Variants in THSD4 observed in about 807,000 individuals in gnomAD.
THSD4 encodes thrombospondin type-1 domain-containing protein 4.
In THSD4, 69 loss-of-function variants were observed where a neutral mutation model predicts 119.0. That is an observed-to-expected ratio of 0.58 (90% CI 0.48 to 0.71). The LOEUF is 0.71. THSD4 is among the 30% of genes least tolerant of loss of function. The pLI, the probability that THSD4 is intolerant of heterozygous loss-of-function variation, is 0.00. For synonymous variants in THSD4, 524 were observed against 540.4 expected, an observed-to-expected ratio of 0.97 and a Z score of 0.42; for missense variants, 1,393 against 1,391.1, an observed-to-expected ratio of 1.00 and a Z score of -0.02.
intron 3 of THSD4, among the ~76,000 whole-genome samples, chr15:71,188,529 G>T (rs2043636223): frequency 6.6e-6 from 1 of 152,082 alleles, no homozygotes; most frequent in Non-Finnish European, 1.5e-5. Context: ...ACTGGTCCTG[G>T]CGTAGGACTG....
intron 7 of THSD4, among the ~76,000 whole-genome samples, chr15:71,442,580 AT>A (rs779272122): frequency 0.011 from 135 of 12,430 alleles, 15 homozygotes; most frequent in South Asian, 0.026. Context: ...AAAAAAAAAA[AT>A]ATATATATAT....
At chr15:71,455,462 T>C (rs923128549) in intron 7 of THSD4, among the ~76,000 whole-genome samples, 2 of 152,152 alleles carry the variant, frequency 1.3e-5, no homozygotes, top group African/African-American at 4.8e-5. Flanking sequence ...CCCTTGGCCT[T>C]GCTGCTTCAT....
chr15:71,459,340 C>CTT (rs2047388025), intron 7 of THSD4, among the ~76,000 whole-genome samples: 1 of 144,860 alleles, frequency 6.9e-6, no homozygotes, highest in East Asian at 2.1e-4. Flanking sequence ...CTCTCTCTGT[C>CTT]TCTCTGTCTC....
At chr15:71,669,052 T>C (rs970958218) in intron 8 of THSD4, among the ~76,000 whole-genome samples, 4 of 152,212 alleles carry the variant, frequency 2.6e-5, no homozygotes, top group African/African-American at 9.6e-5. Flanking sequence ...TCAAATGGAA[T>C]GCACACTTAA....
At chr15:71,406,203 C>G (rs1434649829) in intron 6 of THSD4, among the ~76,000 whole-genome samples, 1 of 151,330 alleles carries the variant, frequency 6.6e-6, no homozygotes, top group African/African-American at 2.4e-5. Flanking sequence ...TAATTTCATT[C>G]AATTGTGGTC....
chr15:71,195,657 C>A (rs75419200), intron 3 of THSD4, among the ~76,000 whole-genome samples: 108 of 152,232 alleles, frequency 7.1e-4, no homozygotes, highest in African/African-American at 2.5e-3. Context: ...ACTGAGGATC[C>A]ACTGAAGCCC....
At chr15:71,284,244 A>G (rs1209092120) in intron 6 of THSD4, among the ~76,000 whole-genome samples, 1 of 152,188 alleles carries the variant, frequency 6.6e-6, no homozygotes, top group African/African-American at 2.4e-5. Context: ...CTTGCTATTG[A>G]GGAAAAAAGA....
At chr15:71,151,379 C>CT (rs57878253) in intron 2 of THSD4, among the ~76,000 whole-genome samples, 5,347 of 144,998 alleles carry the variant, frequency 0.037, 256 homozygotes, top group African/African-American at 0.12. Flanking sequence ...GGAGCTGCAG[C>CT]TTTTTTTTTT....
chr15:71,177,747 A>G (rs1340561255), intron 3 of THSD4, among the ~76,000 whole-genome samples: 2 of 121,050 alleles, frequency 1.7e-5, no homozygotes, highest in Non-Finnish European at 3.5e-5. Flanking sequence ...TCAATAAAAT[A>G]CTGGCAAACC....
intron 15 of THSD4, among the ~76,000 whole-genome samples, chr15:71,763,379 TA>T (rs1439438723): frequency 9.2e-6 from 1 of 108,548 alleles, no homozygotes; most frequent in Non-Finnish European, 1.6e-5. Context: ...AAGTCTATAA[TA>T]AAGTACATAG....
chr15:71,329,681 T>G (rs1469269774), intron 6 of THSD4, among the ~76,000 whole-genome samples: 1 of 152,142 alleles, frequency 6.6e-6, no homozygotes, highest in Non-Finnish European at 1.5e-5. Context: ...AAGCCTCGAA[T>G]TACTCATCGT....
chr15:71,301,911 G>A (rs549995377), intron 6 of THSD4, among the ~76,000 whole-genome samples: 4 of 152,258 alleles, frequency 2.6e-5, no homozygotes, highest in African/African-American at 7.2e-5. Context: ...CCTTTTGAGC[G>A]AGCCCTTTAG....
At chr15:71,495,738 A>C (rs2048005172) in intron 7 of THSD4, among the ~76,000 whole-genome samples, 1 of 152,222 alleles carries the variant, frequency 6.6e-6, no homozygotes, top group Admixed American at 6.5e-5. Context: ...GAAAGTCTAA[A>C]AACGCTTAAT....
chr15:71,661,006 G>A (rs1216628375), intron 8 of THSD4, among the ~76,000 whole-genome samples: 1 of 152,206 alleles, frequency 6.6e-6, no homozygotes, highest in African/African-American at 2.4e-5. Flanking sequence ...GTTATAAAGT[G>A]GATAACAGCC....
intron 7 of THSD4, among the ~76,000 whole-genome samples, chr15:71,532,771 A>G (rs1191555875): frequency 6.6e-6 from 1 of 152,222 alleles, no homozygotes; most frequent in Non-Finnish European, 1.5e-5. Context: ...GAAAGTAATA[A>G]TCATCTCTGT....
At chr15:71,196,111 C>G (rs1286574163) in intron 3 of THSD4, among the ~76,000 whole-genome samples, 1 of 152,232 alleles carries the variant, frequency 6.6e-6, no homozygotes, top group Non-Finnish European at 1.5e-5. Context: ...GCAAAAGGGC[C>G]GACTGCTGAG....
chr15:71,622,656 A>G (rs1421593928), intron 7 of THSD4, among the ~76,000 whole-genome samples: 1 of 152,136 alleles, frequency 6.6e-6, no homozygotes, highest in Non-Finnish European at 1.5e-5. Context: ...AATTTTAATG[A>G]TGTGAAAAGC....
intron 7 of THSD4, among the ~76,000 whole-genome samples, chr15:71,556,764 T>TAAAAAA (rs61509514): frequency 1.4e-5 from 2 of 138,604 alleles, no homozygotes; most frequent in Non-Finnish European, 3.1e-5. Context: ...GACCCTGTCT[T>TAAAAAA]AAAAAAAAAA....
chr15:71,696,930 C>T (rs541979134), intron 8 of THSD4, among the ~76,000 whole-genome samples: 1 of 152,186 alleles, frequency 6.6e-6, no homozygotes, highest in African/African-American at 2.4e-5. Flanking sequence ...AAATACAACA[C>T]GAGGTGTCCA....
Sources: gnomAD v4.1 joint callset for allele counts (sites outside exome capture counted in the v4.1 genomes callset) on GRCh38, gnomAD v4.1.1 for gene constraint, MANE v1.5 for transcripts, NCBI Gene and HGNC (gene_info 2026-07-23, HGNC 2026-07-21) for gene names.